BMX: variants seen among roughly 807,000 people sequenced by gnomAD.
The protein encoded by BMX is cytoplasmic tyrosine-protein kinase BMX.
BMX carries 31 observed loss-of-function variants against 59.2 expected under a neutral mutation model. The ratio of observed to expected loss-of-function variants is 0.52; its 90% CI spans 0.39 to 0.71. BMX has a LOEUF of 0.71. BMX is among the 30% of genes least tolerant of loss of function. The pLI, the probability that BMX is intolerant of heterozygous loss-of-function variation, is 0.00. For synonymous variants in BMX, 185 were observed against 181.0 expected (o/e 1.02, Z -0.18); for missense variants, 474 against 491.7 (o/e 0.96, Z 0.34).
chrX:15,527,206 A>C (rs866631214), intron 9 of BMX, among the ~76,000 whole-genome samples: 2,928 of 88,718 alleles, frequency 0.033, 311 homozygotes, highest in African/African-American at 0.13. Flanking sequence ...AAAAAAAAAA[A>C]AAAAAAAAAA....
intron 9 of BMX, among the ~76,000 whole-genome samples, chrX:15,527,215 A>AC (rs1166299044): frequency 2.4e-5 from 2 of 81,669 alleles, no homozygotes; most frequent in African/African-American, 1.0e-4. Flanking sequence ...AAAAAAAAAA[A>AC]AACAACACAA....
chrX:15,532,317 CT>C lies in BMX; in HGVS notation c.1019+911del, dbSNP rs763785530. 7.7e-3 allele frequency among the ~76,000 whole-genome samples: 850 copies of C among 110,916 alleles called. 9 individuals carry two copies. The highest frequency in any genetic ancestry group is 0.027 in the African/African-American group (818 of 30,387). On this transcript the variant is annotated intron_variant, in intron 11 of 18. Transcript: ENST00000348343. ...AAGCCACTTTCTTATTGGTAGTTAGCTCTTTTTTTTTCCTTCTAATCGTCCT... is the reference window on the plus strand; with the variant it reads ...AAGCCACTTTCTTATTGGTAGTTAGCCTTTTTTTTTCCTTCTAATCGTCCT...
chrX:15,529,590 A>T (rs1366478808), intron 9 of BMX, among the ~76,000 whole-genome samples: 1 of 112,916 alleles, frequency 8.9e-6, no homozygotes, highest in African/African-American at 3.2e-5. Context: ...CAAGGAAATT[A>T]TATGATTGGA....
chrX:15,511,632 G>A (rs887553811), intron 4 of BMX, 114 bp downstream of exon 4: 37 of 559,037 alleles, frequency 6.6e-5, no homozygotes, highest in Non-Finnish European at 1.0e-4. Flanking sequence ...TCAATGCCAA[G>A]AGACAATCTA....
intron 10 of BMX, among the ~76,000 whole-genome samples, chrX:15,530,927 T>TGCTTAGAATTA (rs1925037772): frequency 8.9e-6 from 1 of 112,237 alleles, no homozygotes. Context: ...AACTTTGATC[T>TGCTTAGAATTA]GCTTAGAATT....
intron 12 of BMX, 104 bp from the exon 13 acceptor site, chrX:15,536,249 G>C: frequency 2.5e-6 from 2 of 803,680 alleles, no homozygotes; most frequent in African/African-American, 4.0e-5. Context: ...TGAACTCTTT[G>C]CTTTTTCAGC....
intron 1 of BMX, among the ~76,000 whole-genome samples, chrX:15,502,913 G>A (rs752616349): frequency 9.0e-6 from 1 of 111,272 alleles, no homozygotes; most frequent in African/African-American, 3.3e-5. Context: ...CACTTGGAGC[G>A]TCTTCCCTTT....
chrX:15,541,450 T>C (rs1437696895), intron 14 of BMX, among the ~76,000 whole-genome samples: 1 of 111,551 alleles, frequency 9.0e-6, no homozygotes, highest in Non-Finnish European at 1.9e-5. Context: ...TTTTATAAAT[T>C]TGTTATTCAA....
At chrX:15,528,349 T>C (rs890742690) in intron 9 of BMX, among the ~76,000 whole-genome samples, 44 of 112,061 alleles carry the variant, frequency 3.9e-4, no homozygotes, top group African/African-American at 1.3e-3. Flanking sequence ...GAGATTTAGA[T>C]AGAAAATCGT....
At chrX:15,547,873 T>C (rs1926014775) in intron 17 of BMX, among the ~76,000 whole-genome samples, 1 of 112,079 alleles carries the variant, frequency 8.9e-6, no homozygotes, top group African/African-American at 3.2e-5. Context: ...CCAGGATAAG[T>C]AATCCAAATG....
At chrX:15,533,371 G>A (rs1925176746) in intron 11 of BMX, among the ~76,000 whole-genome samples, 2 of 111,433 alleles carry the variant, frequency 1.8e-5, no homozygotes, top group Middle Eastern at 4.6e-3. Flanking sequence ...GTAAGCCTCA[G>A]TGTCTACTAT....
rs1361607303 is a variant in BMX at position 15,500,952 on chromosome X, C to A, written c.-10+12C>A. 2.7e-6 allele frequency: 2 copies of A among 752,715 alleles called. No individual in the cohort carries two copies. Among genetic ancestry groups the A allele is most frequent in the African/African-American group, 4.6e-5 (2 of 43,197 alleles). The allele number at this position is 752,715 out of a possible 1,213,427, so 62.0% of individuals were successfully genotyped here. Reference sequence around the variant, plus strand: ...AACAAGCTGAGACGGTGCGTTTAAGCGGCAGGTGGCTACTCAGTGTCGCAT... The same window carrying A: ...AACAAGCTGAGACGGTGCGTTTAAGAGGCAGGTGGCTACTCAGTGTCGCAT... On this transcript the variant is annotated intron_variant, in intron 1 of 18. Coordinates refer to ENST00000348343, the MANE Select transcript of BMX (RefSeq NM_203281.3).
At chrX:15,539,880 T>C (rs1925570369) in intron 14 of BMX, among the ~76,000 whole-genome samples, 1 of 112,223 alleles carries the variant, frequency 8.9e-6, no homozygotes. Context: ...GACAGTGAGA[T>C]ACCATTTCAC....
chrX:15,540,307 C>G (rs991731045), intron 14 of BMX, among the ~76,000 whole-genome samples: 2 of 110,587 alleles, frequency 1.8e-5, no homozygotes, highest in Admixed American at 9.7e-5. Context: ...TGGAAACCAT[C>G]ATTCTCAGCA....
rs186648527 is a variant in BMX at position 15,509,811 on chromosome X, A to C, written c.243+378A>C. Reference sequence around the variant, plus strand: ...GGCAAAATAGACTAATACACAGACCATTACAAAGCAGTGAGGGTGAGAGTT... The same window carrying C: ...GGCAAAATAGACTAATACACAGACCCTTACAAAGCAGTGAGGGTGAGAGTT... On this transcript the variant is annotated intron_variant, in intron 3 of 18. Transcript: ENST00000348343. Among the ~76,000 whole-genome samples the C allele has an allele frequency of 1.3e-4, 14 of 111,887 alleles. No homozygotes were observed. The East Asian group carries it at 4.0e-3, about 32-fold the overall frequency.
At chrX:15,501,597 T>C (rs1477677873) in intron 1 of BMX, among the ~76,000 whole-genome samples, 1 of 112,070 alleles carries the variant, frequency 8.9e-6, no homozygotes, top group Admixed American at 9.4e-5. Flanking sequence ...CAAGCTTTCC[T>C]GTGCACGTGG....
chrX:15,519,195 A>C (rs1924318693), intron 6 of BMX, among the ~76,000 whole-genome samples: 1 of 111,632 alleles, frequency 9.0e-6, no homozygotes, highest in Non-Finnish European at 1.9e-5. Context: ...GTTCACCTGA[A>C]AGCAAGGGGA....
chrX:15,539,408 C>T (rs1158741422), intron 14 of BMX, among the ~76,000 whole-genome samples: 2 of 111,279 alleles, frequency 1.8e-5, no homozygotes, highest in Admixed American at 9.5e-5. Context: ...GGCGCCCTCA[C>T]CTTGAGCCAC....
At chrX:15,528,222 T>C (rs1438112364) in intron 9 of BMX, among the ~76,000 whole-genome samples, 2 of 112,322 alleles carry the variant, frequency 1.8e-5, no homozygotes, top group Non-Finnish European at 3.8e-5. Context: ...TCACCTCACA[T>C]TGTGCTTAAT....
Sources: gnomAD v4.1 joint callset for allele counts (sites outside exome capture counted in the v4.1 genomes callset) on GRCh38, gnomAD v4.1.1 for gene constraint, MANE v1.5 for transcripts, NCBI Gene and HGNC (gene_info 2026-07-23, HGNC 2026-07-21) for gene names.